Variants in SHANK2 observed in about 807,000 individuals in gnomAD.
SHANK2 encodes SH3 and multiple ankyrin repeat domains 2.
In SHANK2, 43 loss-of-function variants were observed where a neutral mutation model predicts 133.7. The observed-to-expected ratio is 0.32, with a 90% confidence interval of 0.25 to 0.41. The LOEUF (loss-of-function observed/expected upper bound fraction) is 0.41, where lower values mean the gene tolerates loss of function less well. Ranked by LOEUF, SHANK2 falls within the 10% of genes least tolerant of loss-of-function variation. The probability of loss-of-function intolerance (pLI) is 1.00; values close to 1 mark genes in which losing one functional copy is unlikely to be tolerated. For synonymous variants in SHANK2, 1,017 were observed against 952.8 expected (o/e 1.07, Z -1.24); for missense variants, 1,994 against 2,235.8 (o/e 0.89, Z 2.18).
chr11:71,060,737 G>A (rs1191475587), intron 9 of SHANK2, among the ~76,000 whole-genome samples: 1 of 152,210 alleles, frequency 6.6e-6, no homozygotes, highest in Middle Eastern at 3.2e-3. Context: ...GCAGATGGAG[G>A]CTGAGCTGAG....
chr11:70,560,497 T>G (rs544083581), intron 17 of SHANK2, among the ~76,000 whole-genome samples: 3,291 of 119,456 alleles, frequency 0.028, 69 homozygotes, highest in East Asian at 0.11. Context: ...TTTTTTTTTT[T>G]TTTTTTTTTT....
chr11:70,514,368 C>G (rs1280840222), intron 17 of SHANK2, among the ~76,000 whole-genome samples: 2 of 152,216 alleles, frequency 1.3e-5, no homozygotes, highest in African/African-American at 4.8e-5. Context: ...AAAGCCTGCA[C>G]TAAAGAACGT....
intron 14 of SHANK2, among the ~76,000 whole-genome samples, chr11:70,786,369 C>T (rs1947654272): frequency 6.6e-6 from 1 of 152,144 alleles, no homozygotes; most frequent in Admixed American, 6.5e-5. Context: ...CAATGACCTG[C>T]TACTGTAGCC....
intron 17 of SHANK2, among the ~76,000 whole-genome samples, chr11:70,593,839 T>A (rs2060362066): frequency 6.6e-6 from 1 of 152,166 alleles, no homozygotes; most frequent in Non-Finnish European, 1.5e-5. Flanking sequence ...GTTCGTTCGT[T>A]CATTCATTCA....
At chr11:70,537,757 AG>A (rs1660289394) in intron 17 of SHANK2, among the ~76,000 whole-genome samples, 1 of 152,246 alleles carries the variant, frequency 6.6e-6, no homozygotes, top group African/African-American at 2.4e-5. Flanking sequence ...AGTCCTGCAG[AG>A]GCACGAGTCA....
intron 17 of SHANK2, among the ~76,000 whole-genome samples, chr11:70,658,177 C>G (rs1355911658): frequency 6.9e-6 from 1 of 145,962 alleles, no homozygotes; most frequent in Non-Finnish European, 1.5e-5. Context: ...AGACTTCAGC[C>G]CTGCTGCTAG....
chr11:70,945,301 T>C (rs1432156376), intron 10 of SHANK2, among the ~76,000 whole-genome samples: 3 of 151,982 alleles, frequency 2.0e-5, no homozygotes, highest in African/African-American at 7.3e-5. Flanking sequence ...CTGTGCTTGA[T>C]TAAAAGCAAA....
At position 71,073,142 on chromosome 11, in the gene SHANK2, C is replaced by T. The variant is rs1240636878; in HGVS notation, c.1029+2017G>A. 7.5e-3 allele frequency among the ~76,000 whole-genome samples: 309 copies of T among 40,976 alleles called. 3 individuals carry two copies. Among genetic ancestry groups the T allele is most frequent in the Non-Finnish European group, 0.019 (214 of 11,024 alleles). 26.9% of individuals were successfully genotyped at this position (40,976 alleles called of 152,430 possible). Reference sequence around the variant, plus strand: ...CTTGCTTTTTGTTTTTTTTCTTTTTCTTTTCTTTTTTTTCTTTTTTTTCTT... The same window carrying T: ...CTTGCTTTTTGTTTTTTTTCTTTTTTTTTTCTTTTTTTTCTTTTTTTTCTT... On this transcript the variant is annotated intron_variant, in intron 9 of 25. Transcript: ENST00000601538.
At chr11:70,592,424 T>A (rs1163708827) in intron 17 of SHANK2, among the ~76,000 whole-genome samples, 2 of 152,072 alleles carry the variant, frequency 1.3e-5, no homozygotes, top group Non-Finnish European at 2.9e-5. Flanking sequence ...GGCTTTTGGG[T>A]GGGACGTGGC....
In SHANK2 at chr11:70,472,607, T is replaced by C; in HGVS notation, c.*262A>G. 1 of 529,148 alleles carries C rather than the reference T, an allele frequency of 1.9e-6. No homozygotes were observed. Among genetic ancestry groups the C allele is most frequent in the East Asian group, 3.4e-5 (1 of 29,526 alleles). 32.8% of individuals were successfully genotyped at this position (529,148 alleles called of 1,614,324 possible). A position where few individuals can be genotyped will look rare whatever the true frequency, so the allele number is the denominator to read the frequency against. The stretch of plus-strand genomic sequence containing the variant: ...GCCACCTGCATGCTGGGCGGCAGGC[T>C]GAGAATCTTTTTCCATGTTAGAAAA... On this transcript the variant is annotated 3_prime_UTR_variant, in exon 26 of 26. Coordinates refer to ENST00000601538, the MANE Select transcript of SHANK2 (RefSeq NM_012309.5). This position sits in a 1 kb window ranked among gnomAD's most constrained non-coding sequence, Gnocchi z 4.4.
At chr11:70,556,849 C>T (rs1235491350) in intron 17 of SHANK2, among the ~76,000 whole-genome samples, 1 of 151,910 alleles carries the variant, frequency 6.6e-6, no homozygotes, top group African/African-American at 2.4e-5. Context: ...GCCTTGGCCT[C>T]CTAAAGTGAG....
intron 11 of SHANK2, among the ~76,000 whole-genome samples, chr11:70,865,386 C>A (rs1390659287): frequency 2.0e-5 from 3 of 152,134 alleles, no homozygotes; most frequent in African/African-American, 7.2e-5. Context: ...GAATCTAGAG[C>A]ACAGGAGCAG....
intron 11 of SHANK2, among the ~76,000 whole-genome samples, chr11:70,841,681 GC>G (rs1404027969): frequency 6.6e-6 from 1 of 152,268 alleles, no homozygotes; most frequent in Admixed American, 6.5e-5. Context: ...TCTCCCTTAG[GC>G]ACTAGAGCCA....
intron 2 of SHANK2, among the ~76,000 whole-genome samples, chr11:71,168,945 G>C (rs370071194): frequency 4.0e-4 from 61 of 152,326 alleles, no homozygotes; most frequent in African/African-American, 1.5e-3. Context: ...TAAAGAGTTA[G>C]TTTGAGCAAA....
intron 16 of SHANK2, among the ~76,000 whole-genome samples, chr11:70,660,688 G>A (rs1337894195): frequency 2.6e-5 from 4 of 152,194 alleles, no homozygotes; most frequent in African/African-American, 9.7e-5. Context: ...GCAGGGGGAG[G>A]GGAGAGCAAA....
rs184178171 is a variant in SHANK2, at chr11:70,606,785, C to T, written c.2061+53043G>A. 2.0e-5 allele frequency among the ~76,000 whole-genome samples: 3 copies of T among 152,282 alleles called. No individual in the cohort carries two copies. In the East Asian group the frequency reaches 5.8e-4, roughly 29 times the overall value. On this transcript the variant is annotated intron_variant, in intron 17 of 25. Coordinates refer to ENST00000601538, the MANE Select transcript of SHANK2 (RefSeq NM_012309.5). ...CTTGGGCCTCAGGCGCTTCTGCAGT[C>T]CTGATTCCTGTTACTGGGTCAAACC... is the stretch of plus-strand genomic sequence containing the variant.
intron 14 of SHANK2, among the ~76,000 whole-genome samples, chr11:70,732,661 T>C (rs1555032538): frequency 6.6e-6 from 1 of 152,240 alleles, no homozygotes; most frequent in Non-Finnish European, 1.5e-5. Flanking sequence ...GCACCTGCTG[T>C]TCCTGCTGCC....
At chr11:70,914,690 A>AAT (rs1255668229) in intron 10 of SHANK2, among the ~76,000 whole-genome samples, 4 of 147,478 alleles carry the variant, frequency 2.7e-5, no homozygotes, top group Admixed American at 1.4e-4. Flanking sequence ...AATAAAATAA[A>AAT]ATAAAATAAA....
Position 70,473,075 on chromosome 11 carries a change from G to A in SHANK2, c.5344C>T (p.Pro1782Ser), listed in dbSNP as rs1555149040. 1.9e-6 allele frequency: 3 copies of A among 1,614,130 alleles called. No homozygotes were observed. Among genetic ancestry groups the A allele is most frequent in the Non-Finnish European group, 2.5e-6 (3 of 1,180,054 alleles). Residue 1782 changes from proline (P) to serine (S), a missense_variant, in exon 26 of 26, where the codon CCT (proline) becomes TCT (serine). Physicochemically the swap from Pro to Ser is moderately conservative, Grantham distance 74 (BLOSUM62 -1). Coordinates refer to ENST00000601538, the MANE Select transcript of SHANK2 (RefSeq NM_012309.5). The surrounding 1 kb of genome is among the most constrained non-coding windows in gnomAD (Gnocchi z 5.9). ...PISNKPFTTK[P>S]VHLWTKPDVA... Reference sequence around the variant, plus strand: ...TCTGGTTTAGTCCACAGGTGGACAGGTTTAGTTGTAAAAGGCTTATTTGAG... The same window carrying A: ...TCTGGTTTAGTCCACAGGTGGACAGATTTAGTTGTAAAAGGCTTATTTGAG...
Sources: allele counts gnomAD v4.1 joint callset (sites outside exome capture counted in the v4.1 genomes callset), GRCh38; gene constraint gnomAD v4.1.1; non-coding constraint Gnocchi (gnomAD v3.1); transcripts MANE v1.5; gene names NCBI Gene and HGNC (gene_info 2026-07-23, HGNC 2026-07-21).